Variants in NKAIN2 observed in about 807,000 individuals in gnomAD.
NKAIN2 encodes the protein sodium/potassium-transporting ATPase subunit beta-1-interacting protein 2.
Under a neutral mutation model 32.6 loss-of-function variants are expected in NKAIN2, and 14 were observed. The ratio of observed to expected loss-of-function variants is 0.43; its 90% confidence interval spans 0.28 to 0.67. The LOEUF (loss-of-function observed/expected upper bound fraction) is 0.67. Ranked by LOEUF, NKAIN2 falls within the 30% of genes least tolerant of loss-of-function variation. The pLI is 0.17. For synonymous variants in NKAIN2, 80 were observed against 87.2 expected (o/e 0.92, Z 0.46); for missense variants, 198 against 258.3 (o/e 0.77, Z 1.60).
chr6:124,269,968 A>C (rs9491101), intron 1 of NKAIN2, among the ~76,000 whole-genome samples: 10,430 of 152,248 alleles, frequency 0.069, 722 homozygotes, highest in African/African-American at 0.17. Flanking sequence ...GGTTTGATTG[A>C]CAATCTCCAT....
intron 1 of NKAIN2, among the ~76,000 whole-genome samples, chr6:123,929,211 G>A (rs1041661227): frequency 2.0e-5 from 3 of 152,086 alleles, no homozygotes; most frequent in African/African-American, 7.2e-5. Context: ...TTATACTTCA[G>A]CAAATAATGT....
At chr6:124,663,603 C>CTGTT (rs1224614101) in intron 4 of NKAIN2, among the ~76,000 whole-genome samples, 2 of 152,070 alleles carry the variant, frequency 1.3e-5, no homozygotes, top group Non-Finnish European at 2.9e-5. Context: ...ATTTCCCAAA[C>CTGTT]TGTTATTATA....
intron 5 of NKAIN2, among the ~76,000 whole-genome samples, chr6:124,810,385 A>T (rs1780835150): frequency 6.6e-6 from 1 of 152,134 alleles, no homozygotes; most frequent in Non-Finnish European, 1.5e-5. Flanking sequence ...TCACAAGAAC[A>T]AAAAACCAAA....
intron 3 of NKAIN2, among the ~76,000 whole-genome samples, chr6:124,430,876 G>A (rs773377723): frequency 9.9e-5 from 15 of 152,082 alleles, no homozygotes; most frequent in South Asian, 6.2e-4. Flanking sequence ...ACACGCGCGC[G>A]CACATACACA....
intron 2 of NKAIN2, among the ~76,000 whole-genome samples, chr6:124,307,350 CT>C (rs1385533069): frequency 6.6e-6 from 1 of 152,090 alleles, no homozygotes; most frequent in Non-Finnish European, 1.5e-5. Context: ...AATTAATATG[CT>C]TATGGTTAAA....
At chr6:123,853,207 A>G (rs1475510127) in intron 1 of NKAIN2, among the ~76,000 whole-genome samples, 1 of 152,208 alleles carries the variant, frequency 6.6e-6, no homozygotes, top group East Asian at 1.9e-4. Flanking sequence ...GACTTGTATT[A>G]TGACAGTAGA....
chr6:124,299,483 T>A (rs1796208394), intron 2 of NKAIN2, among the ~76,000 whole-genome samples: 1 of 152,064 alleles, frequency 6.6e-6, no homozygotes, highest in Non-Finnish European at 1.5e-5. Flanking sequence ...TTTTAAAGAG[T>A]GGTATTACCA....
At position 124,453,922 on chromosome 6, in the gene NKAIN2, G is replaced by A. The variant is rs375735446; in HGVS notation, c.273+98575G>A. Among the ~76,000 whole-genome samples the A allele has an allele frequency of 8.5e-5, 13 of 152,060 alleles. No homozygotes were observed. In the East Asian group the frequency reaches 1.7e-3, roughly 20 times the overall value. Reference sequence around the variant, plus strand: ...TGAACATGAGTTTATAAAAGCAAACGTATTGGTAATAAACTGAGAACAGAA... The same window carrying A: ...TGAACATGAGTTTATAAAAGCAAACATATTGGTAATAAACTGAGAACAGAA... On this transcript the variant is annotated intron_variant, in intron 3 of 6. Transcript: ENST00000368417.
At chr6:124,513,598 C>T (rs895562283) in intron 3 of NKAIN2, among the ~76,000 whole-genome samples, 1 of 152,100 alleles carries the variant, frequency 6.6e-6, no homozygotes, top group Non-Finnish European at 1.5e-5. Flanking sequence ...AAGAACCATG[C>T]TTATCAATAG....
intron 4 of NKAIN2, among the ~76,000 whole-genome samples, chr6:124,660,848 G>A (rs530084094): frequency 2.2e-4 from 34 of 152,208 alleles, no homozygotes; most frequent in Non-Finnish European, 3.4e-4. Flanking sequence ...TTGAACTCGA[G>A]TTTTATAATG....
At chr6:124,043,839 A>G (rs1461674459) in intron 1 of NKAIN2, among the ~76,000 whole-genome samples, 2 of 152,122 alleles carry the variant, frequency 1.3e-5, no homozygotes, top group African/African-American at 4.8e-5. Flanking sequence ...CTTCACTTGA[A>G]TACACTATGC....
At chr6:124,560,998 T>C (rs538010368) in intron 3 of NKAIN2, among the ~76,000 whole-genome samples, 9 of 152,174 alleles carry the variant, frequency 5.9e-5, no homozygotes, top group East Asian at 3.9e-4. Context: ...CCAGAGGTGA[T>C]AGAAAAGCAG....
intron 1 of NKAIN2, among the ~76,000 whole-genome samples, chr6:124,187,834 G>C (rs1172072739): frequency 6.6e-6 from 1 of 151,972 alleles, no homozygotes; most frequent in African/African-American, 2.4e-5. Context: ...TTGAATTCTT[G>C]CTCTGTCAAG....
intron 3 of NKAIN2, among the ~76,000 whole-genome samples, chr6:124,546,155 G>A (rs1270312185): frequency 6.6e-6 from 1 of 152,136 alleles, no homozygotes; most frequent in African/African-American, 2.4e-5. Context: ...GTACATTTCT[G>A]ATTTACTGTG....
At chr6:123,878,772 T>A (rs1048259099) in intron 1 of NKAIN2, among the ~76,000 whole-genome samples, 4 of 152,154 alleles carry the variant, frequency 2.6e-5, no homozygotes, top group African/African-American at 9.7e-5. Flanking sequence ...TATTTTGGCA[T>A]TGCTGGACCT....
At chr6:124,167,434 T>G (rs1788611790) in intron 1 of NKAIN2, among the ~76,000 whole-genome samples, 1 of 152,148 alleles carries the variant, frequency 6.6e-6, no homozygotes, top group African/African-American at 2.4e-5. Context: ...ACAATGGGGT[T>G]TTTTAGATAT....
intron 1 of NKAIN2, among the ~76,000 whole-genome samples, chr6:124,237,805 A>G (rs937024787): frequency 3.3e-5 from 5 of 152,106 alleles, no homozygotes; most frequent in Admixed American, 2.6e-4. Flanking sequence ...TTCTTAGATA[A>G]CCCTGGTATT....
chr6:124,275,541 G>A (rs575900879), intron 1 of NKAIN2, among the ~76,000 whole-genome samples: 16 of 152,162 alleles, frequency 1.1e-4, no homozygotes, highest in Middle Eastern at 3.4e-3. Flanking sequence ...AAAGAGAGGA[G>A]GTGGAAACAG....
At chr6:124,162,917 T>C (rs1424267422) in intron 1 of NKAIN2, among the ~76,000 whole-genome samples, 1 of 152,138 alleles carries the variant, frequency 6.6e-6, no homozygotes, top group Admixed American at 6.6e-5. Flanking sequence ...AACAGGAATG[T>C]TCTTAATTTA....
Sources: gnomAD v4.1 joint callset for allele counts (sites outside exome capture counted in the v4.1 genomes callset) on GRCh38, gnomAD v4.1.1 for gene constraint, MANE v1.5 for transcripts, NCBI Gene and HGNC (gene_info 2026-07-23, HGNC 2026-07-21) for gene names.